SLC18A2: variants seen among roughly 807,000 people sequenced by gnomAD.
The protein encoded by SLC18A2 is solute carrier family 18 member A2, also known as synaptic vesicular amine transporter.
SLC18A2 carries 33 observed loss-of-function variants against 59.2 expected under a neutral mutation model. The ratio of observed to expected loss-of-function variants is 0.56; its 90% CI spans 0.42 to 0.75. The LOEUF is 0.75. SLC18A2 is among the 30% of genes least tolerant of loss of function. The pLI is 0.00. For synonymous variants in SLC18A2, 228 were observed against 253.5 expected (o/e 0.90, Z 0.95); for missense variants, 569 against 668.6 (o/e 0.85, Z 1.64).
At position 117,253,395 on chromosome 10, in the gene SLC18A2, G is replaced by A. The variant is rs1844185772; in HGVS notation, c.465-4G>A. On this transcript the variant is annotated splice_polypyrimidine_tract_variant and splice_region_variant and intron_variant, in intron 3 of 15. Transcript: ENST00000644641. The stretch of plus-strand genomic sequence containing the variant: ...CAGATTTGTCTGATGTTTGTGTTTT[G>A]CAGAATTGGCTATCCAATTCCCATA... 1.9e-6 allele frequency: 3 copies of A among 1,611,380 alleles called. No homozygotes were observed. The East Asian group carries it at 6.7e-5, about 36-fold the overall frequency.
chr10:117,275,574 T>C (rs1844478664), intron 15 of SLC18A2, among the ~76,000 whole-genome samples: 1 of 152,142 alleles, frequency 6.6e-6, no homozygotes, highest in Non-Finnish European at 1.5e-5. Context: ...TACCACGGAG[T>C]GCTGCAGGCG....
In SLC18A2 at chr10:117,244,656, T is replaced by C. The variant is rs191234866; in HGVS notation, c.464+343T>C. ...GGCAGCAGGAACTCTACAGCCACCA[T>C]GGCTGTCATCCTATTTTATGAGCCA... is the stretch of plus-strand genomic sequence containing the variant. On this transcript the variant is annotated intron_variant, in intron 3 of 15. Transcript: ENST00000644641. 1.8e-4 allele frequency among the ~76,000 whole-genome samples: 28 copies of C among 152,374 alleles called. No individual in the cohort carries two copies. The East Asian group carries it at 4.1e-3, about 22-fold the overall frequency.
intron 15 of SLC18A2, among the ~76,000 whole-genome samples, chr10:117,276,756 A>G (rs562592258): frequency 6.6e-6 from 1 of 151,996 alleles, no homozygotes; most frequent in Non-Finnish European, 1.5e-5. Flanking sequence ...TTAAGGAGAG[A>G]GCACATCCTT....
At position 117,248,039 on chromosome 10, in the gene SLC18A2, G is replaced by A. The variant is rs111939274; in HGVS notation, c.464+3726G>A. 7.9e-3 allele frequency among the ~76,000 whole-genome samples: 1,200 copies of A among 152,144 alleles called. 17 individuals are homozygous for A. The highest frequency in any genetic ancestry group is 0.027 in the African/African-American group (1,110 of 41,486). On this transcript the variant is annotated intron_variant, in intron 3 of 15. Coordinates refer to ENST00000644641, the MANE Select transcript of SLC18A2 (RefSeq NM_003054.6). ...GGCTGGAGTGCAGTGGGGCTATCTCGGCTCACTGCAACCTCTACCTCCCAG... is the reference window on the plus strand; with the variant it reads ...GGCTGGAGTGCAGTGGGGCTATCTCAGCTCACTGCAACCTCTACCTCCCAG...
At chr10:117,265,959 G>A (rs930989620) in intron 10 of SLC18A2, among the ~76,000 whole-genome samples, 2 of 151,982 alleles carry the variant, frequency 1.3e-5, no homozygotes, top group Non-Finnish European at 2.9e-5. Context: ...GCGTGGTGGC[G>A]CATGCCTGTC....
intron 15 of SLC18A2, among the ~76,000 whole-genome samples, chr10:117,271,915 A>G (rs1844431932): frequency 6.6e-6 from 1 of 152,192 alleles, no homozygotes; most frequent in Non-Finnish European, 1.5e-5. Context: ...AAAAAAGTAT[A>G]TATGTGTGTA....
At chr10:117,275,337 T>C (rs955848544) in intron 15 of SLC18A2, among the ~76,000 whole-genome samples, 2 of 152,192 alleles carry the variant, frequency 1.3e-5, no homozygotes, top group Admixed American at 1.3e-4. Context: ...GATAAATGGG[T>C]TAAGCACTGA....
rs112626805 is a variant in SLC18A2, at chr10:117,243,950, C to T, written c.122-21C>T. 80 of 1,588,992 alleles carry T rather than the reference C, an allele frequency of 5.0e-5. 2 individuals are homozygous for T. The African/African-American group carries it at 8.5e-4, about 17-fold the overall frequency. Reference sequence around the variant, plus strand: ...GGGTTTCAGTGTGATCACCACCTTGCCATTCTGCTCTTATCCCCAGTCCCC... The same window carrying T: ...GGGTTTCAGTGTGATCACCACCTTGTCATTCTGCTCTTATCCCCAGTCCCC... On this transcript the variant is annotated intron_variant, in intron 2 of 15. Transcript: ENST00000644641.
chr10:117,266,887 C>T, intron 11 of SLC18A2, 76 bp downstream of exon 11: 4 of 1,556,992 alleles, frequency 2.6e-6, no homozygotes, highest in Non-Finnish European at 1.8e-6. Context: ...TTGTTTCTGC[C>T]TTTGCTGTTA....
chr10:117,268,316 GT>G (rs1276603874), intron 13 of SLC18A2: 3 of 152,680 alleles, frequency 2.0e-5, no homozygotes, highest in African/African-American at 7.2e-5. Flanking sequence ...GTCCACCCCT[GT>G]AGAAGCAGGA....
At chr10:117,241,344 CCGGGGCG>C (rs1844049184) in intron 1 of SLC18A2, 124 bp downstream of exon 1, 2 of 196,986 alleles carry the variant, frequency 1.0e-5, no homozygotes, top group Non-Finnish European at 2.1e-5. Flanking sequence ...CCCGGGGCAG[CCGGGGCG>C]CAGGGCGCAG....
intron 15 of SLC18A2, among the ~76,000 whole-genome samples, chr10:117,274,842 T>C (rs1224761521): frequency 6.6e-6 from 1 of 152,150 alleles, no homozygotes; most frequent in Admixed American, 6.5e-5. Context: ...GTAACTAAGA[T>C]GCTGGGATAG....
At chr10:117,276,473 G>A (rs950680050) in intron 15 of SLC18A2, among the ~76,000 whole-genome samples, 6 of 151,798 alleles carry the variant, frequency 4.0e-5, no homozygotes, top group African/African-American at 1.5e-4. Flanking sequence ...AAGTAGCTGC[G>A]AGTGGTGGTG....
At chr10:117,257,608 GGAC>G (rs1189253936) in intron 9 of SLC18A2, among the ~76,000 whole-genome samples, 186 bp from the exon 10 acceptor site, 1 of 152,132 alleles carries the variant, frequency 6.6e-6, no homozygotes, top group Non-Finnish European at 1.5e-5. Flanking sequence ...TTTAAAATGA[GGAC>G]GACGACGACC....
chr10:117,255,893 A>T (rs1589980614), intron 9 of SLC18A2, among the ~76,000 whole-genome samples: 1 of 152,344 alleles, frequency 6.6e-6, no homozygotes, highest in Middle Eastern at 3.4e-3. Flanking sequence ...AAAATGGCGT[A>T]TGCTGGGCTC....
At chr10:117,276,770 AG>A (rs544446748) in intron 15 of SLC18A2, among the ~76,000 whole-genome samples, 263 of 152,234 alleles carry the variant, frequency 1.7e-3, no homozygotes, top group African/African-American at 6.0e-3. Flanking sequence ...CATCCTTTCA[AG>A]GTGTGTTGCT....
intron 10 of SLC18A2, among the ~76,000 whole-genome samples, chr10:117,260,587 C>T (rs1228608369): frequency 6.6e-6 from 1 of 152,198 alleles, no homozygotes; most frequent in African/African-American, 2.4e-5. Flanking sequence ...TGGAGAAAAA[C>T]TATAGATTCA....
chr10:117,269,302 C>T lies in SLC18A2; in HGVS notation c.1187-769C>T, dbSNP rs1180351091. On this transcript the variant is annotated intron_variant, in intron 13 of 15. Transcript: ENST00000644641. The surrounding 1 kb of genome is among the most constrained non-coding windows in gnomAD (Gnocchi z 5.1). Reference sequence around the variant, plus strand: ...ACATGTACACACATATATACACATACATACACAGATACATATATACATATA... The same window carrying T: ...ACATGTACACACATATATACACATATATACACAGATACATATATACATATA... 6.7e-6 allele frequency among the ~76,000 whole-genome samples: 1 copy of T among 149,866 alleles called. No individual in the cohort carries two copies. The highest frequency in any genetic ancestry group is 2.5e-5 in the African/African-American group (1 of 40,452).
At position 117,247,349 on chromosome 10, in the gene SLC18A2, G is replaced by A. The variant is rs569704807; in HGVS notation, c.464+3036G>A. 4.1e-3 allele frequency among the ~76,000 whole-genome samples: 630 copies of A among 152,304 alleles called. 2 individuals are homozygous for A. The highest frequency in any genetic ancestry group is 0.014 in the African/African-American group (588 of 41,566). ...AGAGACTTTTCCTGAAAGCTTTTGG[G>A]CCAGTCCTAGCATTTTATAGGCAAA... On this transcript the variant is annotated intron_variant, in intron 3 of 15. Coordinates refer to ENST00000644641, the MANE Select transcript of SLC18A2 (RefSeq NM_003054.6).
Sources: allele counts gnomAD v4.1 joint callset (sites outside exome capture counted in the v4.1 genomes callset), GRCh38; gene constraint gnomAD v4.1.1; non-coding constraint Gnocchi (gnomAD v3.1); transcripts MANE v1.5; gene names NCBI Gene and HGNC (gene_info 2026-07-23, HGNC 2026-07-21).